Variants in ZC3H12B observed in about 807,000 individuals in gnomAD.
The protein encoded by ZC3H12B is probable ribonuclease ZC3H12B.
A neutral mutation model predicts 43.9 loss-of-function variants in ZC3H12B; 7 were observed. That is an observed-to-expected ratio of 0.16 (90% confidence interval 0.09 to 0.30). The LOEUF is 0.30. Among genes scored for constraint, ZC3H12B ranks in the 10% least tolerant of loss-of-function variants. ZC3H12B has a pLI of 1.00. For synonymous variants in ZC3H12B, 222 were observed against 241.7 expected, an observed-to-expected ratio of 0.92 and a Z score of 0.76; for missense variants, 475 against 670.2, an observed-to-expected ratio of 0.71 and a Z score of 3.22.
chrX:65,177,183 G>A, the ZC3H12B span, among the ~76,000 whole-genome samples: 2 of 112,120 alleles, frequency 1.8e-5, no homozygotes, highest in African/African-American at 6.5e-5. Flanking sequence ...AAAACTTCAT[G>A]AGTATCTCAA....
At chrX:65,313,145 G>T in the ZC3H12B span, among the ~76,000 whole-genome samples, 1 of 111,801 alleles carries the variant, frequency 8.9e-6, no homozygotes, top group Non-Finnish European at 1.9e-5. Flanking sequence ...GCGTCCCAAA[G>T]GGCGGGATTA....
chrX:65,153,234 G>A, the ZC3H12B span, among the ~76,000 whole-genome samples: 2 of 111,814 alleles, frequency 1.8e-5, no homozygotes, highest in South Asian at 3.7e-4. Context: ...TTGACAAATG[G>A]GATCTAATTA....
chrX:65,221,925 T>G, the ZC3H12B span, among the ~76,000 whole-genome samples: 15 of 110,724 alleles, frequency 1.4e-4, no homozygotes, highest in Non-Finnish European at 2.5e-4. Context: ...ATATTCCTGA[T>G]GAACATAGAT....
At chrX:65,098,127 C>T in the ZC3H12B span, among the ~76,000 whole-genome samples, 2 of 109,550 alleles carry the variant, frequency 1.8e-5, no homozygotes, top group African/African-American at 6.7e-5. Context: ...AATGTGTGTG[C>T]ATCTCATTTA....
At chrX:65,499,549 A>AG (rs2068336874) in intron 3 of ZC3H12B, among the ~76,000 whole-genome samples, 1 of 111,728 alleles carries the variant, frequency 9.0e-6, no homozygotes, top group Admixed American at 9.6e-5. Context: ...GATGGAGGAA[A>AG]GGGGGCTGCT....
intron 2 of ZC3H12B, among the ~76,000 whole-genome samples, chrX:65,392,733 C>T (rs898813861): frequency 3.5e-5 from 4 of 113,238 alleles, no homozygotes; most frequent in Non-Finnish European, 7.5e-5. Context: ...GCCACCACCC[C>T]GTCTGGGAGG....
the ZC3H12B span, among the ~76,000 whole-genome samples, chrX:65,127,961 T>G: frequency 8.9e-6 from 1 of 111,773 alleles, no homozygotes; most frequent in South Asian, 3.7e-4. Flanking sequence ...GCCTCCTCGT[T>G]GAAAAAGCAA....
chrX:65,351,002 C>T, the ZC3H12B span, among the ~76,000 whole-genome samples: 1 of 111,729 alleles, frequency 9.0e-6, no homozygotes, highest in East Asian at 2.8e-4. Context: ...CAAAAAAGAG[C>T]ACGCATAAAC....
At chrX:65,253,915 T>A in the ZC3H12B span, among the ~76,000 whole-genome samples, 2 of 111,870 alleles carry the variant, frequency 1.8e-5, no homozygotes, top group African/African-American at 6.5e-5. Context: ...GAGGCAGACA[T>A]TGACTCCACT....
exon 5 of ZC3H12B, chrX:65,505,152 G>A (rs41305421): frequency 0.013 from 1,492 of 111,916 alleles, 14 homozygotes; most frequent in South Asian, 0.024. Context: ...TCAATATTTC[G>A]AACCATGATC....
chrX:65,361,046 C>T, the ZC3H12B span, among the ~76,000 whole-genome samples: 6 of 112,031 alleles, frequency 5.4e-5, no homozygotes, highest in Non-Finnish European at 9.4e-5. Flanking sequence ...AATTTTATGA[C>T]ATTTTATTGG....
the ZC3H12B span, among the ~76,000 whole-genome samples, chrX:65,277,453 G>C: frequency 1.8e-5 from 2 of 111,419 alleles, no homozygotes; most frequent in East Asian, 5.6e-4. Flanking sequence ...TACAGGATTG[G>C]CCATATGTTA....
At chrX:65,140,482 C>G in the ZC3H12B span, among the ~76,000 whole-genome samples, 2 of 111,697 alleles carry the variant, frequency 1.8e-5, no homozygotes, top group Non-Finnish European at 3.8e-5. Context: ...TAATGGGCTG[C>G]TGGATTCATT....
the ZC3H12B span, chrX:65,357,218 T>C: frequency 2.6e-6 from 1 of 391,106 alleles, no homozygotes; most frequent in Non-Finnish European, 4.7e-6. Context: ...TGAAATAGAT[T>C]TCATGAGAAT....
At chrX:65,178,790 G>A in the ZC3H12B span, among the ~76,000 whole-genome samples, 1 of 112,051 alleles carries the variant, frequency 8.9e-6, no homozygotes, top group South Asian at 3.7e-4. Flanking sequence ...TGGAGAAATA[G>A]GAACACTTTT....
chrX:65,126,123 G>C, the ZC3H12B span, among the ~76,000 whole-genome samples: 1 of 107,473 alleles, frequency 9.3e-6, no homozygotes, highest in Non-Finnish European at 1.9e-5. Flanking sequence ...GGTATATTTT[G>C]AGTCAATTTA....
chrX:65,361,519 G>T, the ZC3H12B span, among the ~76,000 whole-genome samples: 2 of 111,941 alleles, frequency 1.8e-5, no homozygotes, highest in East Asian at 2.8e-4. Flanking sequence ...AGGCTCCAAA[G>T]TTCTGCAGGT....
chrX:65,212,614 G>C, the ZC3H12B span, among the ~76,000 whole-genome samples: 1 of 73,662 alleles, frequency 1.4e-5, no homozygotes, highest in Admixed American at 2.0e-4. Flanking sequence ...TTACATATAT[G>C]ATATATAATA....
the ZC3H12B span, among the ~76,000 whole-genome samples, chrX:65,141,273 T>C: frequency 1.8e-5 from 2 of 110,581 alleles, no homozygotes; most frequent in African/African-American, 6.5e-5. Context: ...TCTCAAGATT[T>C]TAAAAAAATT....
Sources: gnomAD v4.1 joint callset for allele counts (sites outside exome capture counted in the v4.1 genomes callset) on GRCh38, gnomAD v4.1.1 for gene constraint, MANE v1.5 for transcripts, NCBI Gene and HGNC (gene_info 2026-07-23, HGNC 2026-07-21) for gene names.